The following WDR72 variants were observed in gnomAD, a reference collection of about 807,000 sequenced individuals.
WDR72 encodes WD repeat domain 72, also known as WD repeat-containing protein 72.
WDR72 carries 120 observed loss-of-function variants against 124.2 expected under a neutral mutation model. The observed-to-expected ratio is 0.97, with a 90% CI of 0.83 to 1.12. The LOEUF is 1.12. WDR72 is among the 50% of genes most tolerant of loss of function. The pLI is 0.00. For missense variants in WDR72, 1,387 were observed against 1,278.8 expected, an observed-to-expected ratio of 1.08 and a Z score of -1.29; for synonymous variants, 452 against 441.7, an observed-to-expected ratio of 1.02 and a Z score of -0.29.
intron 14 of WDR72, among the ~76,000 whole-genome samples, chr15:53,620,310 T>C (rs2013939529): frequency 1.3e-5 from 2 of 152,132 alleles, no homozygotes; most frequent in African/African-American, 4.8e-5. Context: ...TTCATATATA[T>C]TGTCAATGGA....
chr15:53,749,757 T>C (rs1279751174), intron 1 of WDR72, among the ~76,000 whole-genome samples: 1 of 152,184 alleles, frequency 6.6e-6, no homozygotes, highest in African/African-American at 2.4e-5. Context: ...AATACATGAA[T>C]GATCAGAGAC....
At chr15:53,561,821 C>T (rs1254263527) in intron 18 of WDR72, among the ~76,000 whole-genome samples, 1 of 151,768 alleles carries the variant, frequency 6.6e-6, no homozygotes, top group Non-Finnish European at 1.5e-5. Context: ...GACAGTAGGG[C>T]TCAACCACTG....
intron 18 of WDR72, among the ~76,000 whole-genome samples, chr15:53,531,211 G>C (rs1390367379): frequency 6.6e-6 from 1 of 152,006 alleles, no homozygotes; most frequent in East Asian, 1.9e-4. Flanking sequence ...ACATCAAAGT[G>C]GTATGTTAGC....
chr15:53,636,439 A>C lies in WDR72; in HGVS notation c.1963-20196T>G, dbSNP rs751419186. Among the ~76,000 whole-genome samples, 63 of 152,320 alleles carry C rather than the reference A, an allele frequency of 4.1e-4. 1 individual carries two copies. The highest frequency in any genetic ancestry group is 2.1e-4 in the South Asian group (1 of 4,820). The stretch of plus-strand genomic sequence containing the variant: ...CAAACTACAAACTAACTTCACTGAA[A>C]CTTTTTAAAAATTAAATTAAATTAA... On this transcript the variant is annotated intron_variant, in intron 14 of 19. Coordinates refer to ENST00000360509, the MANE Select transcript of WDR72 (RefSeq NM_182758.4).
intron 18 of WDR72, among the ~76,000 whole-genome samples, chr15:53,525,307 T>C (rs1263246543): frequency 6.6e-6 from 1 of 152,042 alleles, no homozygotes; most frequent in Non-Finnish European, 1.5e-5. Flanking sequence ...TTCTGAAATA[T>C]TTATGTTGGT....
At chr15:53,572,953 C>G (rs1231574756) in intron 18 of WDR72, among the ~76,000 whole-genome samples, 1 of 152,124 alleles carries the variant, frequency 6.6e-6, no homozygotes, top group Admixed American at 6.5e-5. Flanking sequence ...ATAACAAAAT[C>G]AAGGGAAGCA....
chr15:53,517,738 A>ATCAT lies in WDR72; in HGVS notation c.3269_3270insATGA (p.His1090GlnfsTer2). 1 of 1,612,948 alleles carries ATCAT rather than the reference A, an allele frequency of 6.2e-7. No individual in the cohort carries two copies. Among genetic ancestry groups the ATCAT allele is most frequent in the Non-Finnish European group, 8.5e-7 (1 of 1,179,186 alleles). On this transcript the variant is annotated stop_gained and frameshift_variant, in exon 20 of 20. Coordinates refer to ENST00000360509, the MANE Select transcript of WDR72 (RefSeq NM_182758.4). LOFTEE classifies it high-confidence loss of function. Reference sequence around the variant, plus strand: ...AGGGGCAGACCTTTGCTATCCATGAATGATGCCTTGGCTCACCTAGGAAAA... The same window carrying ATCAT: ...AGGGGCAGACCTTTGCTATCCATGAATCATTGATGCCTTGGCTCACCTAGGAAAA...
At chr15:53,563,150 G>T (rs908397890) in intron 18 of WDR72, among the ~76,000 whole-genome samples, 2 of 151,732 alleles carry the variant, frequency 1.3e-5, no homozygotes, top group Non-Finnish European at 2.9e-5. Context: ...TAGAAAAATG[G>T]TCCTAATTAT....
At chr15:53,748,995 G>C (rs1005694836) in intron 1 of WDR72, among the ~76,000 whole-genome samples, 1 of 152,134 alleles carries the variant, frequency 6.6e-6, no homozygotes, top group African/African-American at 2.4e-5. Context: ...GAGCTTACTG[G>C]TGTCTAAGGA....
chr15:53,580,747 G>GA (rs2011877644), intron 18 of WDR72, among the ~76,000 whole-genome samples: 4 of 151,444 alleles, frequency 2.6e-5, no homozygotes, highest in Non-Finnish European at 2.9e-5. Context: ...AGTGGCCATG[G>GA]AAAAAAAAGA....
chr15:53,750,042 A>C (rs2018737684), intron 1 of WDR72, among the ~76,000 whole-genome samples: 1 of 152,200 alleles, frequency 6.6e-6, no homozygotes, highest in Admixed American at 6.5e-5. Flanking sequence ...TAGAAGCTCT[A>C]AACTCAGATA....
intron 18 of WDR72, among the ~76,000 whole-genome samples, chr15:53,529,162 ATAT>A (rs1480466455): frequency 2.3e-3 from 136 of 58,738 alleles, no homozygotes; most frequent in Admixed American, 8.2e-3. Flanking sequence ...ATATATATAT[ATAT>A]TTTTTTTTTT....
intron 13 of WDR72, among the ~76,000 whole-genome samples, chr15:53,673,077 T>G (rs908903776): frequency 6.6e-6 from 1 of 152,062 alleles, no homozygotes. Context: ...GACATGATCA[T>G]GCCACCGCAC....
At chr15:53,558,684 G>A (rs62005911) in intron 18 of WDR72, among the ~76,000 whole-genome samples, 33,135 of 151,862 alleles carry the variant, frequency 0.22, 3,691 homozygotes, top group African/African-American at 0.26. Context: ...AGGTTGCTGT[G>A]TAAGAAAGAA....
chr15:53,730,947 G>A (rs776750114), intron 2 of WDR72, among the ~76,000 whole-genome samples: 9 of 135,058 alleles, frequency 6.7e-5, no homozygotes, highest in Non-Finnish European at 4.4e-5. Context: ...GTTGCAATGT[G>A]GGGGGGCAAG....
chr15:53,713,496 G>A (rs538133922), intron 6 of WDR72, among the ~76,000 whole-genome samples: 82 of 131,652 alleles, frequency 6.2e-4, no homozygotes, highest in South Asian at 3.4e-3. Flanking sequence ...TGTCGCCAAG[G>A]ATGGAGTGCA....
intron 18 of WDR72, among the ~76,000 whole-genome samples, chr15:53,596,794 G>T (rs914872608): frequency 2.0e-5 from 3 of 152,150 alleles, no homozygotes; most frequent in Non-Finnish European, 4.4e-5. Context: ...CTCAGCTCTT[G>T]AAGAGATGAT....
At chr15:53,722,517 T>C (rs1356553924) in intron 3 of WDR72, among the ~76,000 whole-genome samples, 1 of 152,248 alleles carries the variant, frequency 6.6e-6, no homozygotes, top group Non-Finnish European at 1.5e-5. Flanking sequence ...CATTGGTCAC[T>C]GACCCTCACC....
intron 1 of WDR72, among the ~76,000 whole-genome samples, chr15:53,737,278 C>T (rs689654): frequency 0.057 from 8,719 of 152,176 alleles, 411 homozygotes; most frequent in African/African-American, 0.14. Flanking sequence ...CAGAAGTCTG[C>T]TTGAAGGACC....
Sources: allele counts gnomAD v4.1 joint callset (sites outside exome capture counted in the v4.1 genomes callset), GRCh38; gene constraint gnomAD v4.1.1; transcripts MANE v1.5; gene names NCBI Gene and HGNC (gene_info 2026-07-23, HGNC 2026-07-21).